RYR3: variants seen among roughly 807,000 people sequenced by gnomAD.
The protein encoded by RYR3 is brain ryanodine receptor-calcium release channel.
A neutral mutation model predicts 584.3 loss-of-function variants in RYR3; 207 were observed. The ratio of observed to expected loss-of-function variants is 0.35; its 90% CI spans 0.32 to 0.40. The LOEUF (loss-of-function observed/expected upper bound fraction) is 0.40. Ranked by LOEUF, RYR3 falls within the 10% of genes least tolerant of loss-of-function variation. The pLI is 1.00. For synonymous variants in RYR3, 2,416 were observed against 2,248.5 expected (o/e 1.07, Z -2.11); for missense variants, 5,616 against 6,089.2 (o/e 0.92, Z 2.59).
chr15:33,443,932 C>G (rs938688335), intron 1 of RYR3, among the ~76,000 whole-genome samples: 2 of 152,208 alleles, frequency 1.3e-5, no homozygotes, highest in Non-Finnish European at 2.9e-5. Context: ...TGCATTCTGA[C>G]ACACCATAGA....
chr15:33,605,676 A>G (rs4447391), intron 18 of RYR3, among the ~76,000 whole-genome samples: 38,317 of 152,118 alleles, frequency 0.25, 5,901 homozygotes, highest in Non-Finnish European at 0.35. Context: ...GACTTCTCCA[A>G]CGAGCACACA....
intron 16 of RYR3, among the ~76,000 whole-genome samples, chr15:33,596,502 G>GA (rs1595760639): frequency 4.1e-5 from 6 of 146,048 alleles, no homozygotes; most frequent in African/African-American, 5.1e-5. Flanking sequence ...TTTTGGGGGG[G>GA]GGGGATTTCT....
chr15:33,501,004 T>C (rs182765081), intron 2 of RYR3, among the ~76,000 whole-genome samples: 1 of 152,260 alleles, frequency 6.6e-6, no homozygotes, highest in Non-Finnish European at 1.5e-5. Context: ...CATGCTCTTA[T>C]TTCCAAGTAC....
intron 1 of RYR3, among the ~76,000 whole-genome samples, chr15:33,368,832 A>T (rs1322748785): frequency 1.3e-5 from 2 of 152,102 alleles, no homozygotes; most frequent in African/African-American, 4.8e-5. Flanking sequence ...ATAGCCTCCT[A>T]AACTTAGAGC....
intron 32 of RYR3, among the ~76,000 whole-genome samples, chr15:33,655,528 C>A (rs533251952): frequency 6.6e-6 from 1 of 152,316 alleles, no homozygotes; most frequent in African/African-American, 2.4e-5. Context: ...AGCTTTAGCC[C>A]ACCTTTCACC....
At chr15:33,455,657 C>T (rs953938713) in intron 1 of RYR3, among the ~76,000 whole-genome samples, 1 of 152,078 alleles carries the variant, frequency 6.6e-6, no homozygotes, top group African/African-American at 2.4e-5. Flanking sequence ...CAATTGGCTG[C>T]AGGAACAGAC....
At chr15:33,667,317 C>G (rs1187561759) in intron 36 of RYR3, among the ~76,000 whole-genome samples, 1 of 152,168 alleles carries the variant, frequency 6.6e-6, no homozygotes, top group African/African-American at 2.4e-5. Context: ...GGTCGTGGCC[C>G]TATAGGCAGA....
chr15:33,365,158 G>A (rs2141038078), intron 1 of RYR3, among the ~76,000 whole-genome samples: 1 of 152,340 alleles, frequency 6.6e-6, no homozygotes, highest in Non-Finnish European at 1.5e-5. Flanking sequence ...TTCAGCTGGT[G>A]CAGAAAGAGT....
chr15:33,710,783 A>G (rs1596273867), intron 43 of RYR3, among the ~76,000 whole-genome samples: 1 of 152,222 alleles, frequency 6.6e-6, no homozygotes, highest in Non-Finnish European at 1.5e-5. Flanking sequence ...TATGGCTTGC[A>G]TTCTCCAAAG....
chr15:33,738,641 T>G, intron 50 of RYR3, 51 bp downstream of exon 50: 1 of 1,601,342 alleles, frequency 6.2e-7, no homozygotes, highest in Non-Finnish European at 8.5e-7. Context: ...TGCTCCAGCA[T>G]CTACAGATAA....
chr15:33,391,072 G>A (rs577216755), intron 1 of RYR3, among the ~76,000 whole-genome samples: 63 of 152,170 alleles, frequency 4.1e-4, no homozygotes, highest in Non-Finnish European at 6.2e-4. Flanking sequence ...CTCTGAAGGT[G>A]AGAGTAATCT....
At chr15:33,639,487 A>G (rs547308231) in intron 27 of RYR3, among the ~76,000 whole-genome samples, 1 of 152,210 alleles carries the variant, frequency 6.6e-6, no homozygotes, top group Non-Finnish European at 1.5e-5. Flanking sequence ...AGAGGTAGCA[A>G]TTCTTGCCTT....
chr15:33,369,605 T>C (rs997685967), intron 1 of RYR3, among the ~76,000 whole-genome samples: 4 of 151,652 alleles, frequency 2.6e-5, no homozygotes, highest in Non-Finnish European at 5.9e-5. Flanking sequence ...TGTCTGTCTG[T>C]CTATCCATCC....
In RYR3 at chr15:33,667,933, C is replaced by T. The variant is rs993595936; in HGVS notation, c.5620-1421C>T. 3.3e-5 allele frequency among the ~76,000 whole-genome samples: 5 copies of T among 151,854 alleles called. 1 individual carries two copies. Among genetic ancestry groups the T allele is most frequent in the South Asian group, 4.2e-4 (2 of 4,794 alleles). ...AAGAAATTAGCTGAGTGCGGTGGTG[C>T]GCACCTGTAATCCCAGCTACTCGGC... On this transcript the variant is annotated intron_variant, in intron 36 of 103. Transcript: ENST00000634891.
intron 1 of RYR3, among the ~76,000 whole-genome samples, chr15:33,395,087 G>A (rs892248705): frequency 2.0e-5 from 3 of 152,170 alleles, no homozygotes; most frequent in East Asian, 3.9e-4. Flanking sequence ...AGACAATACC[G>A]TGTGTTATTC....
Position 33,821,608 on chromosome 15 carries a change from G to T in RYR3, c.10995+6G>T. On this transcript the variant is annotated splice_donor_region_variant and intron_variant, in intron 80 of 103. Transcript: ENST00000634891. ...GCAATGCTGGTGTGCAACAGGTAACGGGAACTTGCAGCGGCTGGGCAGGCT... is the reference window on the plus strand; with the variant it reads ...GCAATGCTGGTGTGCAACAGGTAACTGGAACTTGCAGCGGCTGGGCAGGCT... The T allele has an allele frequency of 6.2e-7, 1 of 1,613,666 alleles. No individual in the cohort carries two copies. Among genetic ancestry groups the T allele is most frequent in the Non-Finnish European group, 8.5e-7 (1 of 1,179,752 alleles).
At chr15:33,684,310 T>C (rs1011331344) in intron 38 of RYR3, among the ~76,000 whole-genome samples, 2 of 152,110 alleles carry the variant, frequency 1.3e-5, no homozygotes, top group African/African-American at 4.8e-5. Context: ...GGCAGCAATA[T>C]TTGCTGTTCT....
chr15:33,725,993 A>AAAAAAAAC lies in RYR3; in HGVS notation c.6913-389_6913-388insAAACAAAA, dbSNP rs1555427717. Among the ~76,000 whole-genome samples the AAAAAAAAC allele has an allele frequency of 5.6e-3, 444 of 79,042 alleles. 49 individuals are homozygous for AAAAAAAAC. Among genetic ancestry groups the AAAAAAAAC allele is most frequent in the Non-Finnish European group, 8.6e-3 (317 of 36,676 alleles). The allele number at this position is 79,042 out of a possible 152,430, so 51.9% of individuals were successfully genotyped here. The stretch of plus-strand genomic sequence containing the variant: ...CCCCCCCCCAAAAAAAAAAAAAAAA[A>AAAAAAAAC]AAAACAGAATTCTAGAGTCTGGCAT... On this transcript the variant is annotated intron_variant, in intron 45 of 103. Coordinates refer to ENST00000634891, the MANE Select transcript of RYR3 (RefSeq NM_001036.6).
chr15:33,567,496 C>G (rs2057777796), intron 12 of RYR3, among the ~76,000 whole-genome samples: 1 of 152,130 alleles, frequency 6.6e-6, no homozygotes, highest in Non-Finnish European at 1.5e-5. Context: ...CAGATCTTGA[C>G]TTCTCTTGCT....
Sources: gnomAD v4.1 joint callset for allele counts (sites outside exome capture counted in the v4.1 genomes callset) on GRCh38, gnomAD v4.1.1 for gene constraint, MANE v1.5 for transcripts, NCBI Gene and HGNC (gene_info 2026-07-23, HGNC 2026-07-21) for gene names.